CREBZF: variants seen among roughly 807,000 people sequenced by gnomAD.
CREBZF encodes CREB/ATF bZIP transcription factor.
In CREBZF, 8 loss-of-function variants were observed where a neutral mutation model predicts 21.1. The ratio of observed to expected loss-of-function variants is 0.38; its 90% CI spans 0.22 to 0.68. CREBZF has a LOEUF of 0.68. CREBZF is among the 30% of genes least tolerant of loss of function. The pLI is 0.51. For missense variants in CREBZF, 518 were observed against 484.3 expected, an observed-to-expected ratio of 1.07 and a Z score of -0.65; for synonymous variants, 270 against 223.3, an observed-to-expected ratio of 1.21 and a Z score of -1.86.
chr11:85,669,401 TACACAC>T (rs61173351), upstream of CREBZF, among the ~76,000 whole-genome samples: 25,004 of 148,786 alleles, frequency 0.17, 2,092 homozygotes, highest in Middle Eastern at 0.28. Flanking sequence ...TCAGTCATTC[TACACAC>T]ACACACACAC....
Position 85,664,946 on chromosome 11 carries a change from G to A in CREBZF, c.-71C>T. On this transcript the variant is annotated 5_prime_UTR_variant, in exon 1 of 1. Coordinates refer to ENST00000527447, the MANE Select transcript of CREBZF (RefSeq NM_001039618.4). This position sits in a 1 kb window ranked among gnomAD's most constrained non-coding sequence, Gnocchi z 5.5. ...GCCTCACGGGCCCCAAGGATCCCAG[G>A]CCCCAGGGCGGGTAGCCCCCGGCAC... 1 of 1,159,774 alleles carries A rather than the reference G, an allele frequency of 8.6e-7. No individual in the cohort carries two copies. Among genetic ancestry groups the A allele is most frequent in the Non-Finnish European group, 1.1e-6 (1 of 876,074 alleles). 71.8% of individuals were successfully genotyped at this position (1,159,774 alleles called of 1,614,324 possible). A position where few individuals can be genotyped will look rare whatever the true frequency, so the allele number is the denominator to read the frequency against.
chr11:85,668,804 C>T (rs970439593), upstream of CREBZF, among the ~76,000 whole-genome samples: 2 of 151,028 alleles, frequency 1.3e-5, no homozygotes, highest in Non-Finnish European at 3.0e-5. Flanking sequence ...AGATCGAGAC[C>T]ATCCTGGCTA....
Position 85,664,800 on chromosome 11 carries a change from C to G in CREBZF, c.76G>C (p.Ala26Pro). Residue 26 changes from alanine (A) to proline (P), a missense_variant, in exon 1 of 1, where the codon GCT becomes CCT. This residue lies in a region of CREBZF where 396 missense variants were observed against 324.4 expected (regional missense o/e 1.22). Transcript: ENST00000527447. This position sits in a 1 kb window ranked among gnomAD's most constrained non-coding sequence, Gnocchi z 5.5. ...TCAGAGGGCAGCGAACAAGTTGCAG[C>G]CGGCTCCGGGCTCTCACTGCGGGTT... Reference protein sequence around the residue: ...SPTRSESPEPAATCSLPSDLT... With the variant: ...SPTRSESPEPPATCSLPSDLT... 1 of 1,577,700 alleles carries G rather than the reference C, an allele frequency of 6.3e-7. No individual in the cohort carries two copies. The highest frequency in any genetic ancestry group is 8.6e-7 in the Non-Finnish European group (1 of 1,165,630).
At chr11:85,671,306 C>T (rs2082909983) in intron 1 of CREBZF, among the ~76,000 whole-genome samples, 1 of 152,176 alleles carries the variant, frequency 6.6e-6, no homozygotes, top group Non-Finnish European at 1.5e-5. Flanking sequence ...GTCCCTTCCA[C>T]AACATGTGGG....
chr11:85,678,256 A>G (rs1591492767), intron 1 of CREBZF, among the ~76,000 whole-genome samples: 4 of 152,122 alleles, frequency 2.6e-5, no homozygotes, highest in Admixed American at 2.0e-4. Context: ...CCTTTCTTCA[A>G]TTTAGTGGAA....
In CREBZF at chr11:85,677,499, G is replaced by A. The variant is rs2082950116; in HGVS notation, n.147+5218C>T. The stretch of plus-strand genomic sequence containing the variant: ...CCCCTTTCCCAAATGCCTTTTGTGT[G>A]AAACCAGGTCAATTGTCCTATTGAA... On this transcript the variant is annotated intron_variant and non_coding_transcript_variant, in intron 1 of 3. Transcript: ENST00000531515. Among the ~76,000 whole-genome samples the A allele has an allele frequency of 2.0e-5, 3 of 152,190 alleles. No homozygotes were observed. In the South Asian group the frequency reaches 6.2e-4, roughly 32 times the overall value.
chr11:85,672,700 T>C (rs557948849), intron 1 of CREBZF, among the ~76,000 whole-genome samples: 2 of 152,338 alleles, frequency 1.3e-5, no homozygotes, highest in South Asian at 4.1e-4. Context: ...TGTGAGTGTC[T>C]ACACTTCACG....
chr11:85,682,592 A>G, intron 1 of CREBZF: 4 of 347,160 alleles, frequency 1.2e-5, no homozygotes, highest in Non-Finnish European at 1.0e-5. Context: ...ACGCGCCCCT[A>G]CCCCCTGCCC....
In CREBZF at chr11:85,660,538, C is replaced by G. The variant is rs1200464041; in HGVS notation, c.*3273G>C. On this transcript the variant is annotated 3_prime_UTR_variant, in exon 1 of 1. Transcript: ENST00000527447. ...ATGGTTCTCACAATTACTTTGTTAC[C>G]AACAGTCCAGTCAGTTAACAGGTTG... 14 of 442,730 alleles carry G rather than the reference C, an allele frequency of 3.2e-5. No individual in the cohort carries two copies. In the East Asian group the frequency reaches 1.0e-3, roughly 33 times the overall value. The allele number at this position is 442,730 out of a possible 1,614,324, so 27.4% of individuals were successfully genotyped here.
In CREBZF at chr11:85,661,914, T is replaced by C. The variant is rs1480687306; in HGVS notation, c.*1897A>G. 2 of 151,066 alleles carry C rather than the reference T, an allele frequency of 1.3e-5. No homozygotes were observed. The highest frequency in any genetic ancestry group is 3.0e-5 in the Non-Finnish European group (2 of 67,714). The allele number at this position is 151,066 out of a possible 1,614,324, so 9.4% of individuals were successfully genotyped here. A position where few individuals can be genotyped will look rare whatever the true frequency, so the allele number is the denominator to read the frequency against. ...CTACATTTAACATATTTCATAAAGATAGCACAAATTAGTCATTTCAAATAA... is the reference window on the plus strand; with the variant it reads ...CTACATTTAACATATTTCATAAAGACAGCACAAATTAGTCATTTCAAATAA... On this transcript the variant is annotated 3_prime_UTR_variant, in exon 1 of 1. Coordinates refer to ENST00000527447, the MANE Select transcript of CREBZF (RefSeq NM_001039618.4).
At chr11:85,671,926 C>T (rs1214957717) in intron 1 of CREBZF, among the ~76,000 whole-genome samples, 1 of 152,248 alleles carries the variant, frequency 6.6e-6, no homozygotes, top group African/African-American at 2.4e-5. Context: ...GGCAGTGCCC[C>T]AGTGTGGACT....
chr11:85,675,307 G>A (rs886354367), intron 1 of CREBZF, among the ~76,000 whole-genome samples: 2 of 152,192 alleles, frequency 1.3e-5, no homozygotes, highest in African/African-American at 4.8e-5. Flanking sequence ...CTTAAAGTGA[G>A]AGATGTATAA....
intron 1 of CREBZF, among the ~76,000 whole-genome samples, chr11:85,675,822 G>T (rs1324041552): frequency 3.3e-5 from 5 of 152,180 alleles, no homozygotes; most frequent in Non-Finnish European, 7.3e-5. Flanking sequence ...AGTATAATTT[G>T]TAAGGGGTAG....
At chr11:85,670,786 A>AG (rs1364738677) in intron 1 of CREBZF, among the ~76,000 whole-genome samples, 2 of 152,230 alleles carry the variant, frequency 1.3e-5, no homozygotes, top group Non-Finnish European at 2.9e-5. Context: ...CATATAGATT[A>AG]GATTGCGTCC....
At chr11:85,678,670 C>A (rs1316459044) in intron 1 of CREBZF, among the ~76,000 whole-genome samples, 1 of 152,088 alleles carries the variant, frequency 6.6e-6, no homozygotes, top group Non-Finnish European at 1.5e-5. Context: ...TTTTCTAAAG[C>A]CTTTTGGATA....
chr11:85,677,677 G>A (rs1164923079), intron 1 of CREBZF, among the ~76,000 whole-genome samples: 1 of 152,184 alleles, frequency 6.6e-6, no homozygotes, highest in East Asian at 1.9e-4. Flanking sequence ...CCTAGGAGGT[G>A]CTGCTCTGCA....
Position 85,664,562 on chromosome 11 carries a change from A to T in CREBZF, c.314T>A (p.Leu105Gln). Residue 105 changes from leucine (L) to glutamine (Q), a missense_variant, in exon 1 of 1, where the codon CTG (leucine) becomes CAG (glutamine). Leu to Gln is a moderately radical substitution (Grantham distance 113). Around this residue, in one of 3 missense-constraint regions of CREBZF, gnomAD observed 396 missense variants for 324.4 expected, o/e 1.22. Transcript: ENST00000527447. The surrounding 1 kb of genome is among the most constrained non-coding windows in gnomAD (Gnocchi z 5.5). ...GGGGTCCAGGAGATCCGCCAGTTCC[A>T]GCCCAGACAGAAAGTCCATATCCTC... ...ETEDMDFLSG[L>Q]ELADLLDPRQ... 6.2e-7 allele frequency: 1 copy of T among 1,613,826 alleles called. No individual in the cohort carries two copies. The highest frequency in any genetic ancestry group is 8.5e-7 in the Non-Finnish European group (1 of 1,179,960).
At chr11:85,665,146 G>C (rs1188558558), upstream of CREBZF, 1 of 400,720 alleles carries the variant, frequency 2.5e-6, no homozygotes, top group Non-Finnish European at 4.6e-6. Flanking sequence ...TTTCGCCCCA[G>C]TCCCGCCCAC....
chr11:85,665,612 G>C (rs1256750160), upstream of CREBZF, among the ~76,000 whole-genome samples: 1 of 150,128 alleles, frequency 6.7e-6, no homozygotes, highest in Non-Finnish European at 1.5e-5. Flanking sequence ...CATATGTATA[G>C]AAATATCACT....
Sources: gnomAD v4.1 joint callset for allele counts (sites outside exome capture counted in the v4.1 genomes callset) on GRCh38, gnomAD v4.1.1 for gene constraint, gnomAD v4.1.1 regional missense constraint, Gnocchi (gnomAD v3.1) non-coding constraint, MANE v1.5 for transcripts, NCBI Gene and HGNC (gene_info 2026-07-23, HGNC 2026-07-21) for gene names.